SMOC1: variants seen among roughly 807,000 people sequenced by gnomAD.
SMOC1 encodes the protein SPARC-related modular calcium-binding protein 1.
A neutral mutation model predicts 56.3 loss-of-function variants in SMOC1; 22 were observed. That is an observed-to-expected ratio of 0.39 (90% CI 0.28 to 0.56). SMOC1 has a LOEUF of 0.56. SMOC1 is among the 20% of genes least tolerant of loss of function. The pLI, the probability that SMOC1 is intolerant of heterozygous loss-of-function variation, is 0.61. For synonymous variants in SMOC1, 193 were observed against 215.0 expected (o/e 0.90, Z 0.89); for missense variants, 509 against 565.4 (o/e 0.90, Z 1.01).
intron 1 of SMOC1, among the ~76,000 whole-genome samples, chr14:69,920,221 T>A (rs566207941): frequency 3.9e-5 from 6 of 152,322 alleles, no homozygotes; most frequent in Admixed American, 2.0e-4. Context: ...AGAAAACTCC[T>A]TCTGTGATCT....
chr14:69,925,238 G>A (rs531835311), intron 1 of SMOC1, among the ~76,000 whole-genome samples: 119 of 110,582 alleles, frequency 1.1e-3, no homozygotes, highest in Non-Finnish European at 1.7e-3. Context: ...GGGAGGAGGG[G>A]AAGCAGGGGA....
At chr14:69,932,400 C>T (rs576848401) in intron 1 of SMOC1, among the ~76,000 whole-genome samples, 23 of 152,334 alleles carry the variant, frequency 1.5e-4, no homozygotes, top group Middle Eastern at 6.8e-3. Context: ...CCACCCTCAG[C>T]CCCACATGCC....
intron 10 of SMOC1, 49 bp downstream of exon 10, chr14:70,013,540 T>C: frequency 7.0e-7 from 1 of 1,435,470 alleles, no homozygotes; most frequent in East Asian, 2.3e-5. Context: ...GTGGGGCCCC[T>C]GACTTTTCAA....
At chr14:69,915,353 T>A (rs1445027525) in intron 1 of SMOC1, among the ~76,000 whole-genome samples, 1 of 152,202 alleles carries the variant, frequency 6.6e-6, no homozygotes, top group Non-Finnish European at 1.5e-5. Context: ...GAACTGCTGT[T>A]GCATCTGTAC....
intron 3 of SMOC1, among the ~76,000 whole-genome samples, chr14:69,974,188 G>A (rs887444761): frequency 6.6e-6 from 1 of 152,156 alleles, no homozygotes; most frequent in Non-Finnish European, 1.5e-5. Context: ...ATCTTGAGAG[G>A]GGGGAGTGGA....
chr14:69,956,923 C>T (rs1437231579), intron 3 of SMOC1, among the ~76,000 whole-genome samples: 2 of 152,082 alleles, frequency 1.3e-5, no homozygotes, highest in East Asian at 3.8e-4. Context: ...TTTTCGAGCT[C>T]CCCAGGCGAT....
At chr14:70,003,102 A>C (rs1885027541) in intron 7 of SMOC1, among the ~76,000 whole-genome samples, 1 of 152,190 alleles carries the variant, frequency 6.6e-6, no homozygotes, top group Non-Finnish European at 1.5e-5. Context: ...TGCCTCTGGA[A>C]TTTCATGTTG....
chr14:70,010,031 G>A (rs979925382), intron 7 of SMOC1, among the ~76,000 whole-genome samples: 2 of 152,220 alleles, frequency 1.3e-5, no homozygotes, highest in African/African-American at 4.8e-5. Flanking sequence ...CTCAGCCGGG[G>A]ACTGGCTCGG....
chr14:69,924,569 C>T (rs1265497397), intron 1 of SMOC1, among the ~76,000 whole-genome samples: 36 of 151,690 alleles, frequency 2.4e-4, no homozygotes, highest in Admixed American at 2.4e-3. Context: ...TGGAATCCTA[C>T]ATGATCTGAC....
chr14:69,973,862 C>A (rs1883866294), intron 3 of SMOC1, among the ~76,000 whole-genome samples: 1 of 152,232 alleles, frequency 6.6e-6, no homozygotes, highest in Non-Finnish European at 1.5e-5. Flanking sequence ...CTGCTCCCTT[C>A]CATCCCTTAC....
intron 1 of SMOC1, among the ~76,000 whole-genome samples, chr14:69,941,112 T>C (rs1193938504): frequency 6.6e-6 from 1 of 152,202 alleles, no homozygotes; most frequent in Non-Finnish European, 1.5e-5. Flanking sequence ...TCTCCTTCTT[T>C]CTCACGAGGA....
In SMOC1 at chr14:69,994,217, T is replaced by A. The variant is rs1028103634; in HGVS notation, c.584-183T>A. 1.9e-4 allele frequency: 136 copies of A among 706,106 alleles called. 1 individual carries two copies. The Admixed American group carries it at 2.6e-3, about 13-fold the overall frequency. The allele number at this position is 706,106 out of a possible 1,614,324, so 43.7% of individuals were successfully genotyped here. A position where few individuals can be genotyped will look rare whatever the true frequency, so the allele number is the denominator to read the frequency against. ...GATGCCCTGATCGGCTCTTATGAGC[T>A]GTTGGGGAGAGAAGCTTCCGTTGTG... On this transcript the variant is annotated intron_variant, in intron 6 of 11. Transcript: ENST00000361956.
chr14:69,947,384 G>A (rs1285656449), intron 1 of SMOC1, among the ~76,000 whole-genome samples: 2 of 152,044 alleles, frequency 1.3e-5, no homozygotes, highest in African/African-American at 4.8e-5. Context: ...TGCCCAGGCT[G>A]GTCTTGAACT....
intron 1 of SMOC1, among the ~76,000 whole-genome samples, chr14:69,913,360 A>G (rs1476948356): frequency 6.6e-6 from 1 of 152,158 alleles, no homozygotes; most frequent in Non-Finnish European, 1.5e-5. Flanking sequence ...TAAGCAAAAT[A>G]TGATTGGATG....
chr14:69,913,499 T>G (rs1464499305), intron 1 of SMOC1, among the ~76,000 whole-genome samples: 1 of 152,128 alleles, frequency 6.6e-6, no homozygotes, highest in Non-Finnish European at 1.5e-5. Flanking sequence ...AAACAGTACA[T>G]GGGACACACT....
rs566554329 is a variant in SMOC1 at position 69,980,865 on chromosome 14, G to A, written c.526+2900G>A. Among the ~76,000 whole-genome samples the A allele has an allele frequency of 2.0e-5, 3 of 152,236 alleles. No homozygotes were observed. In the East Asian group the frequency reaches 5.8e-4, roughly 29 times the overall value. On this transcript the variant is annotated intron_variant, in intron 5 of 11. Coordinates refer to ENST00000361956, the MANE Select transcript of SMOC1 (RefSeq NM_001034852.3). ...GAGGTCTGGAGGTGTGAGTGGTGGG[G>A]GATGGCAGGGCAAGGACGGGACCCG...
intron 3 of SMOC1, among the ~76,000 whole-genome samples, chr14:69,963,752 A>G (rs895895082): frequency 1.4e-4 from 21 of 152,210 alleles, no homozygotes; most frequent in African/African-American, 4.8e-4. Context: ...GAACAATCTC[A>G]GTTATGCAGT....
intron 1 of SMOC1, among the ~76,000 whole-genome samples, chr14:69,930,213 C>T (rs370927232): frequency 4.6e-3 from 598 of 129,928 alleles, no homozygotes; most frequent in African/African-American, 0.02. Context: ...CCCTTCTCAC[C>T]CCCCTGACAG....
At chr14:69,903,635 T>C (rs1050263409) in intron 1 of SMOC1, among the ~76,000 whole-genome samples, 4 of 152,196 alleles carry the variant, frequency 2.6e-5, no homozygotes, top group Non-Finnish European at 5.9e-5. Flanking sequence ...ACATGTGCTG[T>C]GTCCAGTCAG....
Sources: allele counts gnomAD v4.1 joint callset (sites outside exome capture counted in the v4.1 genomes callset), GRCh38; gene constraint gnomAD v4.1.1; transcripts MANE v1.5; gene names NCBI Gene and HGNC (gene_info 2026-07-23, HGNC 2026-07-21).